THEMIS: variants seen among roughly 807,000 people sequenced by gnomAD.
THEMIS encodes the protein thymocyte selection associated.
A neutral mutation model predicts 52.6 loss-of-function variants in THEMIS; 37 were observed. That is an observed-to-expected ratio of 0.70 (90% confidence interval 0.54 to 0.93). The LOEUF is 0.93. Among genes scored for constraint, THEMIS ranks in the 40% least tolerant of loss-of-function variants. THEMIS has a pLI of 0.00. For missense variants in THEMIS, 808 were observed against 763.1 expected (o/e 1.06, Z -0.69); for synonymous variants, 292 against 272.7 (o/e 1.07, Z -0.70).
intron 1 of THEMIS, among the ~76,000 whole-genome samples, chr6:127,907,386 G>A (rs1017596078): frequency 1.2e-4 from 13 of 107,846 alleles, no homozygotes; most frequent in African/African-American, 4.6e-4. Context: ...ACATTTCAGG[G>A]ATATCCTGCT....
At chr6:127,733,287 G>A (rs1774873148) in intron 4 of THEMIS, among the ~76,000 whole-genome samples, 1 of 152,038 alleles carries the variant, frequency 6.6e-6, no homozygotes, top group African/African-American at 2.4e-5. Flanking sequence ...AGCTTCCTCT[G>A]CTTTGTACCT....
intron 2 of THEMIS, among the ~76,000 whole-genome samples, chr6:127,841,676 C>T (rs569130596): frequency 6.7e-6 from 1 of 148,584 alleles, no homozygotes; most frequent in East Asian, 2.0e-4. Context: ...ATCCAAAGAC[C>T]AAGGATGCAG....
chr6:127,865,031 T>C (rs1583370575), intron 1 of THEMIS, among the ~76,000 whole-genome samples: 1 of 152,186 alleles, frequency 6.6e-6, no homozygotes, highest in African/African-American at 2.4e-5. Context: ...GTACAAACTG[T>C]TGCTAACAAG....
At chr6:127,869,831 A>G (rs1280773520) in intron 1 of THEMIS, among the ~76,000 whole-genome samples, 1 of 152,168 alleles carries the variant, frequency 6.6e-6, no homozygotes, top group Non-Finnish European at 1.5e-5. Flanking sequence ...TTAAGCAATA[A>G]CCATTCTAAT....
Position 127,741,377 on chromosome 6 carries a change from T to C in THEMIS, c.1759-21554A>G, listed in dbSNP as rs550323861. On this transcript the variant is annotated intron_variant, in intron 4 of 5. Coordinates refer to ENST00000368248, the MANE Select transcript of THEMIS (RefSeq NM_001010923.3). Reference sequence around the variant, plus strand: ...ATAGAACAGCATTGTTTGATGTTGCTTATCAAATTTTATTTGCAATATTAT... The same window carrying C: ...ATAGAACAGCATTGTTTGATGTTGCCTATCAAATTTTATTTGCAATATTAT... Among the ~76,000 whole-genome samples the C allele has an allele frequency of 9.8e-4, 149 of 152,316 alleles. 2 individuals are homozygous for C. The highest frequency in any genetic ancestry group is 5.6e-3 in the Admixed American group (86 of 15,300).
intron 4 of THEMIS, among the ~76,000 whole-genome samples, chr6:127,720,827 G>T (rs1310985082): frequency 6.6e-6 from 1 of 152,018 alleles, no homozygotes; most frequent in Non-Finnish European, 1.5e-5. Context: ...ACAGTGCTGA[G>T]CCTTACGATA....
intron 4 of THEMIS, among the ~76,000 whole-genome samples, chr6:127,754,725 G>C (rs962790860): frequency 6.6e-6 from 1 of 152,134 alleles, no homozygotes; most frequent in Non-Finnish European, 1.5e-5. Flanking sequence ...AAAAAGAGGA[G>C]TTAATATAAG....
chr6:127,856,211 T>C lies in THEMIS; in HGVS notation c.92-1023A>G, dbSNP rs534308760. 5.3e-5 allele frequency among the ~76,000 whole-genome samples: 8 copies of C among 152,086 alleles called. No individual in the cohort carries two copies. In the East Asian group the frequency reaches 1.6e-3, roughly 30 times the overall value. ...TTTTCTGTGTAGAACCACCTCCTCATAGAATTGTTCCTGATATGTAGCATG... is the reference window on the plus strand; with the variant it reads ...TTTTCTGTGTAGAACCACCTCCTCACAGAATTGTTCCTGATATGTAGCATG... On this transcript the variant is annotated intron_variant, in intron 1 of 5. Coordinates refer to ENST00000368248, the MANE Select transcript of THEMIS (RefSeq NM_001010923.3).
chr6:127,755,421 T>C (rs999508035), intron 4 of THEMIS, among the ~76,000 whole-genome samples: 1 of 152,200 alleles, frequency 6.6e-6, no homozygotes, highest in African/African-American at 2.4e-5. Context: ...CATTTCACAT[T>C]TTGATCCAAA....
chr6:127,913,093 C>T (rs558304073), intron 1 of THEMIS, among the ~76,000 whole-genome samples: 13 of 152,240 alleles, frequency 8.5e-5, no homozygotes, highest in East Asian at 3.9e-4. Flanking sequence ...GCCAAGTGAA[C>T]GTAATGCTCT....
intron 3 of THEMIS, among the ~76,000 whole-genome samples, chr6:127,815,433 C>A (rs565592546): frequency 2.0e-5 from 3 of 151,804 alleles, no homozygotes; most frequent in Non-Finnish European, 2.9e-5. Context: ...CATCAAAAAA[C>A]CTGTGTGATT....
At chr6:127,825,938 T>A (rs1401163736) in intron 3 of THEMIS, among the ~76,000 whole-genome samples, 2 of 152,198 alleles carry the variant, frequency 1.3e-5, no homozygotes, top group Non-Finnish European at 2.9e-5. Flanking sequence ...ATTATACTCG[T>A]TATACACCAC....
At chr6:127,851,721 A>C (rs1274170396) in intron 2 of THEMIS, among the ~76,000 whole-genome samples, 1 of 151,748 alleles carries the variant, frequency 6.6e-6, no homozygotes, top group Non-Finnish European at 1.5e-5. Context: ...GAACAAAAGA[A>C]ACTCTCATTT....
intron 4 of THEMIS, among the ~76,000 whole-genome samples, chr6:127,733,214 T>A (rs566520897): frequency 6.6e-6 from 1 of 152,370 alleles, no homozygotes; most frequent in East Asian, 1.9e-4. Context: ...TATTGACTGA[T>A]AACATTTCTT....
At chr6:127,829,963 G>T in intron 2 of THEMIS, 29 bp from the exon 3 acceptor site, 2 of 1,524,608 alleles carry the variant, frequency 1.3e-6, no homozygotes, top group Non-Finnish European at 8.9e-7. Context: ...GAATTAAAAA[G>T]AGAGTTCTTA....
chr6:127,815,678 A>G (rs1778103692), intron 3 of THEMIS, among the ~76,000 whole-genome samples: 1 of 152,216 alleles, frequency 6.6e-6, no homozygotes, highest in African/African-American at 2.4e-5. Flanking sequence ...CATTATACCT[A>G]CTGGCTTCCC....
chr6:127,766,263 C>T (rs777639428), intron 4 of THEMIS, among the ~76,000 whole-genome samples: 138 of 152,176 alleles, frequency 9.1e-4, no homozygotes, highest in Non-Finnish European at 8.5e-4. Context: ...ACCAGAAATC[C>T]CCAAAGTGAA....
intron 1 of THEMIS, among the ~76,000 whole-genome samples, chr6:127,911,034 G>T (rs1043478099): frequency 4.6e-5 from 7 of 151,892 alleles, no homozygotes; most frequent in Non-Finnish European, 1.0e-4. Context: ...TTTTCTCATG[G>T]TTCACCTTGG....
chr6:127,824,904 G>A (rs1778456139), intron 3 of THEMIS, among the ~76,000 whole-genome samples: 2 of 151,000 alleles, frequency 1.3e-5, no homozygotes, highest in South Asian at 4.2e-4. Flanking sequence ...CAGCCTGGGC[G>A]ACAGAGGGAG....
Sources: allele counts gnomAD v4.1 joint callset (sites outside exome capture counted in the v4.1 genomes callset), GRCh38; gene constraint gnomAD v4.1.1; transcripts MANE v1.5; gene names NCBI Gene and HGNC (gene_info 2026-07-23, HGNC 2026-07-21).